Variants in LRP1 observed in about 807,000 individuals in gnomAD.
The protein encoded by LRP1 is LDL receptor related protein 1.
Under a neutral mutation model 541.5 loss-of-function variants are expected in LRP1, and 51 were observed. The ratio of observed to expected loss-of-function variants is 0.09; its 90% CI spans 0.08 to 0.12. LRP1 has a LOEUF of 0.12. Among genes scored for constraint, LRP1 ranks in the 10% least tolerant of loss-of-function variants. The pLI, the probability that LRP1 is intolerant of heterozygous loss-of-function variation, is 1.00. For missense variants in LRP1, 3,878 were observed against 6,376.2 expected (o/e 0.61, Z 13.34); for synonymous variants, 2,219 against 2,470.8 (o/e 0.90, Z 3.02).
At chr12:57,190,751 T>C (rs2136718463) in intron 42 of LRP1, 54 bp from the exon 43 acceptor site, 1 of 1,552,926 alleles carries the variant, frequency 6.4e-7, no homozygotes, top group East Asian at 2.3e-5. Context: ...GCCTGTGCCC[T>C]CTGTTGTGGA....
chr12:57,202,215 C>CCA (rs900561049), intron 67 of LRP1, among the ~76,000 whole-genome samples: 20 of 152,168 alleles, frequency 1.3e-4, no homozygotes, highest in African/African-American at 4.1e-4. Flanking sequence ...AGGCAGCTGC[C>CCA]CACACACACA....
chr12:57,187,701 G>A (rs149421476), intron 42 of LRP1, among the ~76,000 whole-genome samples: 92 of 152,316 alleles, frequency 6.0e-4, no homozygotes, highest in African/African-American at 1.9e-3. Context: ...TGTGGGGGAC[G>A]CTCTGCCTTT....
Position 57,154,902 on chromosome 12 carries a change from CA to C in LRP1, c.1227+202del. On this transcript the variant is annotated intron_variant, in intron 8 of 88. Coordinates refer to ENST00000243077, the MANE Select transcript of LRP1 (RefSeq NM_002332.3). The surrounding 1 kb of genome is among the most constrained non-coding windows in gnomAD (Gnocchi z 4.6). ...CGGGTTCCACTGTGATGGGAACAGTCATTTTAGAAACACCACTTCTGTTTAC... is the reference window on the plus strand; with the variant it reads ...CGGGTTCCACTGTGATGGGAACAGTCTTTTAGAAACACCACTTCTGTTTAC... The C allele has an allele frequency of 1.6e-6, 1 of 613,832 alleles. No homozygotes were observed. The highest frequency in any genetic ancestry group is 1.9e-5 in the South Asian group (1 of 52,166). The allele number at this position is 613,832 out of a possible 1,614,324, so 38.0% of individuals were successfully genotyped here. A position where few individuals can be genotyped will look rare whatever the true frequency, so the allele number is the denominator to read the frequency against.
intron 11 of LRP1, among the ~76,000 whole-genome samples, chr12:57,159,538 G>A (rs540196079): frequency 1.6e-4 from 25 of 152,300 alleles, no homozygotes; most frequent in African/African-American, 6.0e-4. Flanking sequence ...GCAGGCACGG[G>A]CCAGATGCCC....
At chr12:57,181,041 C>A in intron 33 of LRP1, 116 bp from the exon 34 acceptor site, 1 of 1,350,340 alleles carries the variant, frequency 7.4e-7, no homozygotes, top group Non-Finnish European at 1.0e-6. Context: ...GGGTGGTGAC[C>A]CCCATTAGGT....
intron 2 of LRP1, among the ~76,000 whole-genome samples, chr12:57,138,801 A>C (rs1173943496): frequency 1.3e-5 from 2 of 152,174 alleles, no homozygotes; most frequent in Non-Finnish European, 2.9e-5. Context: ...TTCTCCCTCA[A>C]GTGCTGCACC....
At chr12:57,141,777 T>G (rs139870882) in intron 3 of LRP1, among the ~76,000 whole-genome samples, 112 of 152,338 alleles carry the variant, frequency 7.4e-4, no homozygotes, top group African/African-American at 2.6e-3. Flanking sequence ...TCTCTCCAGG[T>G]GGCAGTTTTT....
At position 57,184,760 on chromosome 12, in the gene LRP1, A is replaced by G. The variant is rs1307779922; in HGVS notation, c.6187-79A>G. The stretch of plus-strand genomic sequence containing the variant: ...TGAACTGAGGGCCTCACTCTGGCCC[A>G]GGCACTCCCTGCTGCCCCAGACATG... On this transcript the variant is annotated intron_variant, in intron 38 of 88. Coordinates refer to ENST00000243077, the MANE Select transcript of LRP1 (RefSeq NM_002332.3). This position sits in a 1 kb window ranked among gnomAD's most constrained non-coding sequence, Gnocchi z 7.8. 1.3e-6 allele frequency: 2 copies of G among 1,495,054 alleles called. No individual in the cohort carries two copies. The highest frequency in any genetic ancestry group is 1.8e-6 in the Non-Finnish European group (2 of 1,098,300). 92.6% of individuals were successfully genotyped at this position (1,495,054 alleles called of 1,614,324 possible). A position where few individuals can be genotyped will look rare whatever the true frequency, so the allele number is the denominator to read the frequency against.
chr12:57,130,007 C>A (rs753497549), intron 1 of LRP1, among the ~76,000 whole-genome samples: 1 of 152,206 alleles, frequency 6.6e-6, no homozygotes, highest in South Asian at 2.1e-4. Flanking sequence ...TAGGCTAGAA[C>A]TGCATCCTTT....
At chr12:57,196,363 C>T (rs1485610046) in intron 55 of LRP1, 86 bp downstream of exon 55, 1 of 1,274,910 alleles carries the variant, frequency 7.8e-7, no homozygotes. Flanking sequence ...CATTCATCCC[C>T]TAGACAGTGG....
chr12:57,194,872 C>G (rs12424288), intron 50 of LRP1, 113 bp from the exon 51 acceptor site: 2 of 1,158,436 alleles, frequency 1.7e-6, no homozygotes, highest in South Asian at 2.6e-5. Context: ...GCTGCTGAGC[C>G]CCCCCACAGA....
chr12:57,133,572 AC>A (rs2035084339), intron 1 of LRP1, among the ~76,000 whole-genome samples: 1 of 151,254 alleles, frequency 6.6e-6, no homozygotes, highest in South Asian at 2.1e-4. Context: ...TTGCTGCCCC[AC>A]CCCCATAAGG....
intron 6 of LRP1, among the ~76,000 whole-genome samples, chr12:57,145,744 A>G (rs550498279): frequency 6.6e-6 from 1 of 152,244 alleles, no homozygotes; most frequent in South Asian, 2.1e-4. Context: ...TGAATGGTCA[A>G]TCTCCAGAGA....
chr12:57,160,306 C>T (rs907988183), intron 12 of LRP1, among the ~76,000 whole-genome samples: 2 of 152,180 alleles, frequency 1.3e-5, no homozygotes, highest in Non-Finnish European at 2.9e-5. Context: ...CTGCCTGGCC[C>T]TTGTCTGACC....
chr12:57,160,548 G>A (rs1442512907), intron 12 of LRP1, among the ~76,000 whole-genome samples: 1 of 151,870 alleles, frequency 6.6e-6, no homozygotes, highest in Admixed American at 6.6e-5. Context: ...CCTGCAGCCC[G>A]GTCACTCTCC....
chr12:57,136,487 C>T (rs1200813494), intron 1 of LRP1, among the ~76,000 whole-genome samples: 1 of 151,230 alleles, frequency 6.6e-6, no homozygotes, highest in Non-Finnish European at 1.5e-5. Flanking sequence ...ACTCTGGCTC[C>T]TGCAGGGCAG....
At chr12:57,207,967 G>A in intron 76 of LRP1, 71 bp from the exon 77 acceptor site, 5 of 1,544,218 alleles carry the variant, frequency 3.2e-6, no homozygotes, top group Non-Finnish European at 4.4e-6. Flanking sequence ...CAGCAGGCTG[G>A]CAGAGTGGTG....
In LRP1 at chr12:57,185,081, G is replaced by T; in HGVS notation, c.6339G>T (p.Arg2113Ser). 6.2e-7 allele frequency: 1 copy of T among 1,614,088 alleles called. No homozygotes were observed. Among genetic ancestry groups the T allele is most frequent in the Non-Finnish European group, 8.5e-7 (1 of 1,180,022 alleles). Residue 2113 changes from arginine (R) to serine (S), a missense_variant and splice_region_variant, in exon 40 of 89, where the codon AGG (arginine) becomes AGT (serine). Around this residue, in one of 13 missense-constraint regions of LRP1, gnomAD observed 1,100 missense variants for 1,827.4 expected, o/e 0.60. Transcript: ENST00000243077. The surrounding 1 kb of genome is among the most constrained non-coding windows in gnomAD (Gnocchi z 4.9). ...VFEDFIYWSDRTHANGSIKRG... is the reference protein window; with the variant it reads ...VFEDFIYWSDSTHANGSIKRG... The stretch of plus-strand genomic sequence containing the variant: ...TGCTTGTGCCCTGTCCTTCCCTCAG[G>T]ACTCATGCCAACGGCTCTATCAAGC...
At chr12:57,210,000 C>T (rs751366040) in intron 80 of LRP1, 29 bp from the exon 81 acceptor site, 5 of 1,589,144 alleles carry the variant, frequency 3.1e-6, no homozygotes, top group Non-Finnish European at 4.3e-6. Context: ...TCCTGCTCAG[C>T]ATCCTCCCCA....
Sources: allele counts gnomAD v4.1 joint callset (sites outside exome capture counted in the v4.1 genomes callset), GRCh38; gene constraint gnomAD v4.1.1; regional missense constraint gnomAD v4.1.1; non-coding constraint Gnocchi (gnomAD v3.1); transcripts MANE v1.5; gene names NCBI Gene and HGNC (gene_info 2026-07-23, HGNC 2026-07-21).